COP1: variants seen among roughly 807,000 people sequenced by gnomAD.
COP1 encodes the protein COP1 E3 ubiquitin ligase.
COP1 carries 24 observed loss-of-function variants against 101.3 expected under a neutral mutation model. The observed-to-expected ratio is 0.24, with a 90% CI of 0.17 to 0.33. The LOEUF (loss-of-function observed/expected upper bound fraction) is 0.33. Among genes scored for constraint, COP1 ranks in the 10% least tolerant of loss-of-function variants. COP1 has a pLI of 1.00. For synonymous variants in COP1, 347 were observed against 341.9 expected, an observed-to-expected ratio of 1.01 and a Z score of -0.17; for missense variants, 663 against 906.2, an observed-to-expected ratio of 0.73 and a Z score of 3.45.
chr1:176,153,853 T>C (rs1465091441), intron 5 of COP1, among the ~76,000 whole-genome samples: 2 of 152,238 alleles, frequency 1.3e-5, no homozygotes, highest in Admixed American at 1.3e-4. Flanking sequence ...AATCATGTTG[T>C]TTCTATCTTT....
intron 15 of COP1, among the ~76,000 whole-genome samples, chr1:176,024,977 T>C (rs991809667): frequency 1.4e-4 from 21 of 152,144 alleles, no homozygotes; most frequent in Non-Finnish European, 1.0e-4. Flanking sequence ...ATTTAATATA[T>C]GGATTTAAAA....
At position 176,206,981 on chromosome 1, in the gene COP1, T is replaced by C. The variant is rs1406331549; in HGVS notation, c.-3A>G. Reference sequence around the variant, plus strand: ...CCGGCCTGGCGGCTACCAGACATCGTGACTCCCTCCCCTCCAGCCGGGCGC... The same window carrying C: ...CCGGCCTGGCGGCTACCAGACATCGCGACTCCCTCCCCTCCAGCCGGGCGC... On this transcript the variant is annotated 5_prime_UTR_variant, in exon 1 of 20. Coordinates refer to ENST00000367669, the MANE Select transcript of COP1 (RefSeq NM_022457.7). 1 of 1,382,880 alleles carries C rather than the reference T, an allele frequency of 7.2e-7. No individual in the cohort carries two copies. The highest frequency in any genetic ancestry group is 9.3e-7 in the Non-Finnish European group (1 of 1,072,286). 85.7% of individuals were successfully genotyped at this position (1,382,880 alleles called of 1,614,324 possible). A position where few individuals can be genotyped will look rare whatever the true frequency, so the allele number is the denominator to read the frequency against.
chr1:176,028,877 C>G (rs1390089066), intron 14 of COP1, among the ~76,000 whole-genome samples: 1 of 151,300 alleles, frequency 6.6e-6, no homozygotes, highest in Non-Finnish European at 1.5e-5. Context: ...CCCCACTCAG[C>G]CTCCCGGGTA....
intron 15 of COP1, among the ~76,000 whole-genome samples, chr1:176,007,161 C>T (rs1349986714): frequency 5.9e-5 from 9 of 152,258 alleles, no homozygotes; most frequent in African/African-American, 2.2e-4. Flanking sequence ...CTGCATTCTT[C>T]ACGTAGTTCT....
chr1:175,976,178 T>C (rs1654495052), intron 18 of COP1, among the ~76,000 whole-genome samples: 1 of 151,726 alleles, frequency 6.6e-6, no homozygotes, highest in African/African-American at 2.4e-5. Flanking sequence ...AATTTGTTAA[T>C]TGGGAAAGGT....
intron 9 of COP1, among the ~76,000 whole-genome samples, chr1:176,087,805 T>G (rs1480691234): frequency 6.6e-6 from 1 of 152,160 alleles, no homozygotes; most frequent in East Asian, 1.9e-4. Context: ...CACATGCACA[T>G]GTATGTTTAT....
At chr1:176,142,122 G>A (rs926708283) in intron 6 of COP1, among the ~76,000 whole-genome samples, 1 of 151,972 alleles carries the variant, frequency 6.6e-6, no homozygotes, top group Admixed American at 6.6e-5. Flanking sequence ...AAAATAAGAT[G>A]GCTTATTTAA....
intron 1 of COP1, among the ~76,000 whole-genome samples, chr1:176,203,736 A>T (rs1700536112): frequency 6.6e-6 from 1 of 152,240 alleles, no homozygotes; most frequent in African/African-American, 2.4e-5. Flanking sequence ...TGTAAAATAA[A>T]ATATAAAAAT....
intron 8 of COP1, among the ~76,000 whole-genome samples, chr1:176,126,690 G>C (rs977862985): frequency 6.6e-6 from 1 of 152,106 alleles, no homozygotes; most frequent in African/African-American, 2.4e-5. Context: ...TTGACCTTGT[G>C]ATCCGCCAGC....
At chr1:176,149,582 A>T (rs895169897) in intron 5 of COP1, among the ~76,000 whole-genome samples, 1 of 152,178 alleles carries the variant, frequency 6.6e-6, no homozygotes, top group African/African-American at 2.4e-5. Context: ...TCTATGGAAG[A>T]TTTCAGGCAA....
At chr1:176,146,363 A>C (rs1434410925) in intron 6 of COP1, among the ~76,000 whole-genome samples, 1 of 152,216 alleles carries the variant, frequency 6.6e-6, no homozygotes, top group Non-Finnish European at 1.5e-5. Flanking sequence ...TTAGTATTCA[A>C]ACCCTTGTGC....
intron 3 of COP1, among the ~76,000 whole-genome samples, chr1:176,172,366 TAAAGTTATGACGA>T (rs1487648579): frequency 6.6e-6 from 1 of 152,196 alleles, no homozygotes; most frequent in Non-Finnish European, 1.5e-5. Context: ...TACAATCACT[TAAAGTTATGACGA>T]AAAAATTTTA....
chr1:176,064,710 C>G (rs970184173), intron 11 of COP1, among the ~76,000 whole-genome samples: 1 of 151,956 alleles, frequency 6.6e-6, no homozygotes, highest in Non-Finnish European at 1.5e-5. Context: ...CTGGGGTTCA[C>G]TGGTGTGATC....
At chr1:176,109,724 CAT>C (rs1191380018) in intron 9 of COP1, among the ~76,000 whole-genome samples, 4 of 152,074 alleles carry the variant, frequency 2.6e-5, no homozygotes, top group Admixed American at 6.5e-5. Context: ...TTTAAAATTA[CAT>C]GTCATTAAGA....
At chr1:176,082,529 G>A (rs1449569854) in intron 10 of COP1, among the ~76,000 whole-genome samples, 1 of 152,062 alleles carries the variant, frequency 6.6e-6, no homozygotes, top group South Asian at 2.1e-4. Context: ...CAACAGGGCC[G>A]GGTGCAGCAG....
intron 18 of COP1, among the ~76,000 whole-genome samples, chr1:175,968,934 TGA>T (rs1652696956): frequency 6.6e-6 from 1 of 152,200 alleles, no homozygotes; most frequent in Non-Finnish European, 1.5e-5. Flanking sequence ...GAGTAAAGCT[TGA>T]GAAAAATGTG....
chr1:176,126,224 T>G (rs949282442), intron 8 of COP1, among the ~76,000 whole-genome samples: 4 of 152,222 alleles, frequency 2.6e-5, no homozygotes, highest in Non-Finnish European at 5.9e-5. Flanking sequence ...TTCTCTTGTC[T>G]GACTGCTCTA....
chr1:176,079,920 A>G (rs1678787442), intron 11 of COP1, among the ~76,000 whole-genome samples: 1 of 152,020 alleles, frequency 6.6e-6, no homozygotes, highest in Non-Finnish European at 1.5e-5. Context: ...CTACTCGGGA[A>G]GCTGAGGCAT....
intron 8 of COP1, among the ~76,000 whole-genome samples, chr1:176,128,982 A>C (rs574690435): frequency 1.3e-5 from 2 of 151,886 alleles, no homozygotes; most frequent in Non-Finnish European, 2.9e-5. Context: ...TGTCCTCCAT[A>C]TCCCTCCCAA....
Sources: allele counts gnomAD v4.1 joint callset (sites outside exome capture counted in the v4.1 genomes callset), GRCh38; gene constraint gnomAD v4.1.1; transcripts MANE v1.5; gene names NCBI Gene and HGNC (gene_info 2026-07-23, HGNC 2026-07-21).